Variants in KAT14 observed in about 807,000 individuals in gnomAD.
KAT14 encodes the protein lysine acetyltransferase 14.
A neutral mutation model predicts 78.4 loss-of-function variants in KAT14; 66 were observed. The observed-to-expected ratio is 0.84, with a 90% CI of 0.69 to 1.03. The LOEUF is 1.03. Ranked by LOEUF, KAT14 falls within the 50% of genes least tolerant of loss-of-function variation. The pLI, the probability that KAT14 is intolerant of heterozygous loss-of-function variation, is 0.00. For synonymous variants in KAT14, 344 were observed against 359.4 expected, an observed-to-expected ratio of 0.96 and a Z score of 0.48; for missense variants, 870 against 972.5, an observed-to-expected ratio of 0.89 and a Z score of 1.40.
intron 10 of KAT14, among the ~76,000 whole-genome samples, chr20:18,187,084 C>T (rs2039472524): frequency 6.6e-6 from 1 of 152,174 alleles, no homozygotes; most frequent in Non-Finnish European, 1.5e-5. Context: ...CTATCAGTTT[C>T]CTTGGTCTTG....
chr20:18,154,770 T>C (rs1013322974), intron 4 of KAT14, among the ~76,000 whole-genome samples: 2 of 152,214 alleles, frequency 1.3e-5, no homozygotes, highest in African/African-American at 4.8e-5. Flanking sequence ...GACATATCAG[T>C]AACTATAAGA....
chr20:18,179,784 C>A (rs1178200957), intron 7 of KAT14, among the ~76,000 whole-genome samples: 1 of 152,236 alleles, frequency 6.6e-6, no homozygotes, highest in African/African-American at 2.4e-5. Context: ...TTTTCTACTG[C>A]ATTGTCAGGC....
intron 3 of KAT14, among the ~76,000 whole-genome samples, chr20:18,148,691 C>T (rs2037923840): frequency 6.6e-6 from 1 of 151,434 alleles, no homozygotes; most frequent in South Asian, 2.1e-4. Context: ...CTCACTGCAA[C>T]CTCTGCCTCC....
Position 18,137,925 on chromosome 20 carries a change from G to GGAGA in KAT14, c.-574_-571dup, listed in dbSNP as rs755566144. 2 of 1,474,080 alleles carry GGAGA rather than the reference G, an allele frequency of 1.4e-6. No homozygotes were observed. The allele number at this position is 1,474,080 out of a possible 1,614,324, so 91.3% of individuals were successfully genotyped here. ...GCGGCCTCTGCGCCTCGGGCGGGCG[G>GGAGA]GAGAGAGAGGCCGCGGCCGCCAGCG... is the stretch of plus-strand genomic sequence containing the variant. On this transcript the variant is annotated 5_prime_UTR_variant, in exon 1 of 11. Coordinates refer to ENST00000688188, the MANE Select transcript of KAT14 (RefSeq NM_001392073.1).
intron 7 of KAT14, 34 bp from the exon 8 acceptor site, chr20:18,181,675 AT>A: frequency 5.0e-6 from 8 of 1,613,530 alleles, no homozygotes; most frequent in Non-Finnish European, 6.8e-6. Flanking sequence ...AGCCTGAGTA[AT>A]TATTTCTATA....
At chr20:18,155,507 T>A (rs2038195125) in intron 4 of KAT14, among the ~76,000 whole-genome samples, 1 of 152,198 alleles carries the variant, frequency 6.6e-6, no homozygotes, top group African/African-American at 2.4e-5. Flanking sequence ...CACTGATTGC[T>A]GCTTCTAATC....
At chr20:18,153,350 A>G (rs923881121) in intron 4 of KAT14, among the ~76,000 whole-genome samples, 3 of 152,212 alleles carry the variant, frequency 2.0e-5, no homozygotes, top group African/African-American at 4.8e-5. Context: ...AATCGACACT[A>G]TAACTGGTTC....
Position 18,187,409 on chromosome 20 carries a change from T to A in KAT14, c.2296T>A (p.Leu766Met). 1 of 1,614,198 alleles carries A rather than the reference T, an allele frequency of 6.2e-7. No homozygotes were observed. Among genetic ancestry groups the A allele is most frequent in the Non-Finnish European group, 8.5e-7 (1 of 1,180,038 alleles). ...AGATTTCTATGATAAATATTACCCATTGGAGAGTACAGAGTGTAAACACGC... is the reference window on the plus strand; with the variant it reads ...AGATTTCTATGATAAATATTACCCAATGGAGAGTACAGAGTGTAAACACGC... ...VLDFYDKYYP[L>M]ESTECKHAFF... Residue 766 changes from leucine (L) to methionine (M), a missense_variant, in exon 11 of 11, where the codon TTG (leucine) becomes ATG (methionine). By Grantham distance (15) the Leu-to-Met change is conservative (BLOSUM62 2). Coordinates refer to ENST00000688188, the MANE Select transcript of KAT14 (RefSeq NM_001392073.1).
chr20:18,159,133 G>A lies in KAT14; in HGVS notation c.550G>A (p.Gly184Arg). 6.2e-7 allele frequency: 1 copy of A among 1,613,680 alleles called. No individual in the cohort carries two copies. Among genetic ancestry groups the A allele is most frequent in the Non-Finnish European group, 8.5e-7 (1 of 1,179,872 alleles). ...CACCGTGGCAGGTTGCCTCAGCGTG[G>A]GAAGTCCCATGTACTTCCGTTCAGG... ...WSTVAGCLSV[G>R]SPMYFRSGAQ... The change falls in exon 5 of 11, where the codon GGA becomes AGA. Residue 184 changes from glycine (G) to arginine (R), a missense_variant. Gly to Arg is a moderately radical substitution (Grantham distance 125). Transcript: ENST00000688188.
At chr20:18,164,137 GA>G (rs1349578033) in intron 7 of KAT14, among the ~76,000 whole-genome samples, 1 of 152,194 alleles carries the variant, frequency 6.6e-6, no homozygotes, top group African/African-American at 2.4e-5. Flanking sequence ...ACTCCAGATA[GA>G]TCCTCTTTTC....
At chr20:18,154,393 A>G (rs904045268) in intron 4 of KAT14, among the ~76,000 whole-genome samples, 2 of 151,936 alleles carry the variant, frequency 1.3e-5, no homozygotes, top group Admixed American at 6.6e-5. Flanking sequence ...GCTCACTGCA[A>G]CCTCCGCCTC....
At chr20:18,149,698 C>T (rs559887433) in intron 3 of KAT14, among the ~76,000 whole-genome samples, 261 of 152,212 alleles carry the variant, frequency 1.7e-3, no homozygotes, top group Non-Finnish European at 2.9e-3. Context: ...TTAGGCTGGG[C>T]GCAGTGGCTC....
chr20:18,160,103 G>A (rs2038363141), intron 5 of KAT14, among the ~76,000 whole-genome samples: 1 of 152,180 alleles, frequency 6.6e-6, no homozygotes, highest in African/African-American at 2.4e-5. Context: ...GTTTTGCCAT[G>A]TTGGCCAGGC....
At position 18,162,125 on chromosome 20, in the gene KAT14, C is replaced by CCTT. The variant is rs769699911; in HGVS notation, c.988_990dup (p.Ser330dup). On this transcript the variant is annotated inframe_insertion, in exon 6 of 11. Coordinates refer to ENST00000688188, the MANE Select transcript of KAT14 (RefSeq NM_001392073.1). ...CCCGCTGACAAGCCCATCTCCTTCT[C>CCTT]CTTCTCTGGATTTCTCTGCCCCTGG... 1 of 1,614,120 alleles carries CCTT rather than the reference C, an allele frequency of 6.2e-7. No homozygotes were observed. Among genetic ancestry groups the CCTT allele is most frequent in the Non-Finnish European group, 8.5e-7 (1 of 1,180,056 alleles).
intron 2 of KAT14, among the ~76,000 whole-genome samples, chr20:18,143,353 G>C (rs1384687786): frequency 6.6e-6 from 1 of 152,064 alleles, no homozygotes; most frequent in African/African-American, 2.4e-5. Flanking sequence ...CAGATTGAAG[G>C]TGTTTTTTGC....
chr20:18,142,598 G>A lies in KAT14; in HGVS notation c.-63G>A, dbSNP rs913731477. ...GTGATCCTGGTAGAAGCCCCATTAG[G>A]GTCACTGTCCAGTGCTTAGGGTTGT... is the stretch of plus-strand genomic sequence containing the variant. On this transcript the variant is annotated 5_prime_UTR_variant, in exon 2 of 11. Coordinates refer to ENST00000688188, the MANE Select transcript of KAT14 (RefSeq NM_001392073.1). 2 of 1,597,852 alleles carry A rather than the reference G, an allele frequency of 1.3e-6. No homozygotes were observed. The highest frequency in any genetic ancestry group is 1.1e-5 in the South Asian group (1 of 88,630).
intron 7 of KAT14, among the ~76,000 whole-genome samples, chr20:18,168,999 TC>T (rs1468281376): frequency 6.6e-6 from 1 of 152,162 alleles, no homozygotes; most frequent in Non-Finnish European, 1.5e-5. Flanking sequence ...TTTTTTTTCA[TC>T]TTTTTTGTCT....
At chr20:18,145,383 G>C (rs751324188) in intron 3 of KAT14, 32 bp downstream of exon 3, 2 of 1,612,222 alleles carry the variant, frequency 1.2e-6, no homozygotes, top group East Asian at 2.2e-5. Flanking sequence ...AAATCCATGA[G>C]GGTGGTTCCC....
Position 18,162,840 on chromosome 20 carries a change from T to C in KAT14, c.1563T>C (p.Val521=). Residue 521 remains valine (V), a synonymous_variant, in exon 7 of 11, where the codon GTT becomes GTC. Coordinates refer to ENST00000688188, the MANE Select transcript of KAT14 (RefSeq NM_001392073.1). ...DQVVNAALLL[V]DGIYGAKEGG... ...TTGTTAATGCTGCTCTTTTGTTAGT[T>C]GACGGGATTTATGGAGCCAAAGAAG... 6.2e-7 allele frequency: 1 copy of C among 1,614,202 alleles called. No homozygotes were observed. The highest frequency in any genetic ancestry group is 8.5e-7 in the Non-Finnish European group (1 of 1,180,022).
Sources: gnomAD v4.1 joint callset for allele counts (sites outside exome capture counted in the v4.1 genomes callset) on GRCh38, gnomAD v4.1.1 for gene constraint, MANE v1.5 for transcripts, NCBI Gene and HGNC (gene_info 2026-07-23, HGNC 2026-07-21) for gene names.